Variants in NAALADL2 observed in about 807,000 individuals in gnomAD.
NAALADL2 encodes the protein N-acetylated alpha-linked acidic dipeptidase like 2.
In NAALADL2, 76 loss-of-function variants were observed where a neutral mutation model predicts 87.2. The observed-to-expected ratio is 0.87, with a 90% CI of 0.72 to 1.05. The LOEUF is 1.05. Ranked by LOEUF, NAALADL2 falls within the 50% of genes least tolerant of loss-of-function variation. The pLI is 0.00. For missense variants in NAALADL2, 1,089 were observed against 945.8 expected (o/e 1.15, Z -1.99); for synonymous variants, 354 against 331.0 (o/e 1.07, Z -0.75).
At chr3:174,713,816 T>G (rs545612307) in intron 2 of NAALADL2, among the ~76,000 whole-genome samples, 1 of 151,948 alleles carries the variant, frequency 6.6e-6, no homozygotes, top group Non-Finnish European at 1.5e-5. Flanking sequence ...TAGATCCCAT[T>G]TGTCAATTTT....
At chr3:175,796,945 CTT>C (rs10706498) in intron 13 of NAALADL2, among the ~76,000 whole-genome samples, 4 of 143,104 alleles carry the variant, frequency 2.8e-5, no homozygotes, top group South Asian at 2.2e-4. Flanking sequence ...AAATTCATGG[CTT>C]TTTTTTTTTC....
chr3:175,606,147 G>C (rs1300852658), intron 10 of NAALADL2, among the ~76,000 whole-genome samples: 2 of 152,318 alleles, frequency 1.3e-5, no homozygotes, highest in African/African-American at 4.8e-5. Context: ...TCCAGAGGTT[G>C]TTGATCTATT....
At chr3:175,269,091 A>G (rs1011070371) in intron 4 of NAALADL2, among the ~76,000 whole-genome samples, 4 of 151,518 alleles carry the variant, frequency 2.6e-5, no homozygotes, top group Non-Finnish European at 4.4e-5. Context: ...GATGTGTGCC[A>G]CCATGCCTGA....
chr3:174,904,553 C>T (rs1732745619), intron 1 of NAALADL2, among the ~76,000 whole-genome samples: 1 of 146,832 alleles, frequency 6.8e-6, no homozygotes, highest in African/African-American at 2.6e-5. Context: ...CTACTAATGC[C>T]CAAAACATCA....
Position 174,968,503 on chromosome 3 carries a change from A to AT in NAALADL2, c.43+109063dup, listed in dbSNP as rs750998514. ...GACTCCACAGCCTGTTTTTCTAACT[A>AT]TTTTTTTTTTCTATCACCCAGGCTG... is the stretch of plus-strand genomic sequence containing the variant. On this transcript the variant is annotated intron_variant, in intron 1 of 13. Transcript: ENST00000454872. Among the ~76,000 whole-genome samples the AT allele has an allele frequency of 1.8e-3, 267 of 149,964 alleles. 1 individual carries two copies. Among genetic ancestry groups the AT allele is most frequent in the South Asian group, 5.5e-3 (26 of 4,732 alleles).
chr3:175,507,314 G>A (rs542891291), intron 9 of NAALADL2, among the ~76,000 whole-genome samples: 12 of 152,148 alleles, frequency 7.9e-5, no homozygotes, highest in Admixed American at 7.2e-4. Flanking sequence ...CTCCTGCATT[G>A]GAAAAGGTCA....
At chr3:175,403,698 C>T (rs1344512284) in intron 5 of NAALADL2, among the ~76,000 whole-genome samples, 2 of 151,890 alleles carry the variant, frequency 1.3e-5, no homozygotes, top group African/African-American at 4.8e-5. Flanking sequence ...TTTATTTTTG[C>T]CTTATCTTTC....
chr3:175,652,929 C>G (rs1274216224), intron 11 of NAALADL2, among the ~76,000 whole-genome samples: 1 of 152,038 alleles, frequency 6.6e-6, no homozygotes, highest in Non-Finnish European at 1.5e-5. Context: ...TACTAATAGC[C>G]TGCTGTTAAC....
intron 2 of NAALADL2, among the ~76,000 whole-genome samples, chr3:174,585,241 G>A (rs1286918930): frequency 6.6e-6 from 1 of 152,080 alleles, no homozygotes; most frequent in Non-Finnish European, 1.5e-5. Context: ...AAATCCAGTA[G>A]CCAAGGTTGA....
intron 2 of NAALADL2, among the ~76,000 whole-genome samples, chr3:174,695,769 T>G (rs532414205): frequency 2.6e-4 from 40 of 152,192 alleles, no homozygotes; most frequent in African/African-American, 8.9e-4. Flanking sequence ...TGCAATTTCC[T>G]ACCATATATC....
intron 1 of NAALADL2, among the ~76,000 whole-genome samples, chr3:175,013,044 T>TATATAAATATGTA: frequency 1.9e-5 from 1 of 52,642 alleles, no homozygotes; most frequent in Non-Finnish European, 5.0e-5. Flanking sequence ...ATATATAATA[T>TATATAAATATGTA]ATACATAAAT....
At chr3:174,746,818 AGCAATGG>A (rs889925855) in intron 3 of NAALADL2, among the ~76,000 whole-genome samples, 1 of 152,194 alleles carries the variant, frequency 6.6e-6, no homozygotes, top group Non-Finnish European at 1.5e-5. Context: ...GACAAAAACA[AGCAATGG>A]GAAAGGATTC....
chr3:175,796,499 C>T (rs1378042697), intron 13 of NAALADL2, among the ~76,000 whole-genome samples: 1 of 152,122 alleles, frequency 6.6e-6, no homozygotes, highest in Non-Finnish European at 1.5e-5. Flanking sequence ...AAATTTAGCT[C>T]AAAGGATATG....
chr3:174,885,852 G>A (rs1467309331), intron 1 of NAALADL2, among the ~76,000 whole-genome samples: 1 of 114,772 alleles, frequency 8.7e-6, no homozygotes, highest in Non-Finnish European at 1.8e-5. Context: ...ATCTGCTGAG[G>A]AGCAAGGAGA....
At chr3:174,849,100 T>G (rs1724953359) in intron 3 of NAALADL2, among the ~76,000 whole-genome samples, 1 of 152,142 alleles carries the variant, frequency 6.6e-6, no homozygotes, top group African/African-American at 2.4e-5. Context: ...CTTGCAGAGT[T>G]GGAAGTTGTT....
intron 2 of NAALADL2, among the ~76,000 whole-genome samples, chr3:174,621,163 A>G (rs549258419): frequency 1.3e-5 from 2 of 152,092 alleles, no homozygotes; most frequent in Non-Finnish European, 2.9e-5. Context: ...TTTAGTTCAG[A>G]ATTGCCGCAA....
chr3:174,731,072 A>C (rs1310145033), intron 2 of NAALADL2, among the ~76,000 whole-genome samples: 1 of 151,992 alleles, frequency 6.6e-6, no homozygotes, highest in East Asian at 1.9e-4. Context: ...TTTTATTCCT[A>C]TTTCTACCCG....
chr3:175,119,158 T>C (rs1210755653), intron 2 of NAALADL2, among the ~76,000 whole-genome samples: 2 of 151,578 alleles, frequency 1.3e-5, no homozygotes, highest in Non-Finnish European at 3.0e-5. Flanking sequence ...GATTTACACA[T>C]TTCAAAAACC....
intron 2 of NAALADL2, among the ~76,000 whole-genome samples, chr3:174,683,327 C>G (rs548588798): frequency 6.6e-6 from 1 of 151,958 alleles, no homozygotes; most frequent in Admixed American, 6.6e-5. Flanking sequence ...GAGAGAGATA[C>G]AGGTAGAAGG....
Sources: gnomAD v4.1 joint callset for allele counts (sites outside exome capture counted in the v4.1 genomes callset) on GRCh38, gnomAD v4.1.1 for gene constraint, MANE v1.5 for transcripts, NCBI Gene and HGNC (gene_info 2026-07-23, HGNC 2026-07-21) for gene names.